The following SYT16 variants were observed in gnomAD, a reference collection of about 807,000 sequenced individuals.
SYT16 encodes synaptotagmin-16.
In SYT16, 42 loss-of-function variants were observed where a neutral mutation model predicts 61.4. The ratio of observed to expected loss-of-function variants is 0.68; its 90% CI spans 0.53 to 0.89. The LOEUF is 0.89. Among genes scored for constraint, SYT16 ranks in the 40% least tolerant of loss-of-function variants. The probability of loss-of-function intolerance (pLI) is 0.00; values close to 1 mark genes in which losing one functional copy is unlikely to be tolerated. For synonymous variants in SYT16, 314 were observed against 302.3 expected, an observed-to-expected ratio of 1.04 and a Z score of -0.40; for missense variants, 804 against 807.3, an observed-to-expected ratio of 1.00 and a Z score of 0.05.
chr14:62,057,068 G>A (rs1225541945), intron 3 of SYT16, among the ~76,000 whole-genome samples: 6 of 152,314 alleles, frequency 3.9e-5, no homozygotes, highest in African/African-American at 9.6e-5. Context: ...CAAAGGCCCC[G>A]TGGTCAGCCA....
intron 1 of SYT16, among the ~76,000 whole-genome samples, chr14:61,914,150 C>T (rs4902086): frequency 0.2 from 29,862 of 151,896 alleles, 3,818 homozygotes; most frequent in East Asian, 0.46. Context: ...GCATTAATTT[C>T]TCTGTAATAT....
intron 1 of SYT16, among the ~76,000 whole-genome samples, chr14:61,910,303 A>G (rs1165047285): frequency 1.4e-4 from 22 of 152,008 alleles, no homozygotes; most frequent in Admixed American, 1.4e-3. Context: ...CAATGGCATG[A>G]TCTCAGCCCA....
Position 62,069,745 on chromosome 14 carries a change from G to A in SYT16, c.666G>A (p.Glu222=). The change falls in exon 4 of 8, where the codon GAG becomes GAA. Residue 222 remains glutamate (E), a synonymous_variant. Coordinates refer to ENST00000683842, the MANE Select transcript of SYT16 (RefSeq NM_001367656.1). The part of the protein sequence containing the change: ...TSEKGKQTGL[E]QKPKFSRSLL... ...AGAAAGGAAAGCAGACAGGATTGGA[G>A]CAGAAACCAAAATTCAGCCGTTCGT... is the stretch of plus-strand genomic sequence containing the variant. 1 of 1,614,022 alleles carries A rather than the reference G, an allele frequency of 6.2e-7. No individual in the cohort carries two copies. Among genetic ancestry groups the A allele is most frequent in the Non-Finnish European group, 8.5e-7 (1 of 1,179,888 alleles).
At chr14:61,826,811 C>T (rs961272085) in intron 1 of SYT16, among the ~76,000 whole-genome samples, 6 of 151,996 alleles carry the variant, frequency 3.9e-5, no homozygotes, top group African/African-American at 1.5e-4. Flanking sequence ...GGTTGTAAGT[C>T]CAAGACTGAG....
chr14:62,046,967 A>G (rs894499639), intron 3 of SYT16, among the ~76,000 whole-genome samples: 37 of 152,282 alleles, frequency 2.4e-4, no homozygotes, highest in Middle Eastern at 3.4e-3. Context: ...GAACTTTCAA[A>G]TAGTTTTTTC....
At chr14:61,951,565 A>T (rs1216006016) in intron 1 of SYT16, among the ~76,000 whole-genome samples, 1 of 152,154 alleles carries the variant, frequency 6.6e-6, no homozygotes, top group African/African-American at 2.4e-5. Context: ...AGTTGAAGAA[A>T]GTCGGATGTC....
At chr14:62,046,295 G>T (rs1207374838) in intron 3 of SYT16, among the ~76,000 whole-genome samples, 3 of 151,956 alleles carry the variant, frequency 2.0e-5, no homozygotes, top group Non-Finnish European at 4.4e-5. Context: ...TTTTTGATGG[G>T]GTTGTTTGTT....
intron 1 of SYT16, among the ~76,000 whole-genome samples, chr14:61,923,009 A>G (rs112857576): frequency 0.021 from 3,122 of 150,140 alleles, 113 homozygotes; most frequent in African/African-American, 0.071. Context: ...AGATCACGCC[A>G]TTGCACTCCA....
rs1037078417 is a variant in SYT16 at position 62,041,655 on chromosome 14, G to A, written c.524-27948G>A. Among the ~76,000 whole-genome samples the A allele has an allele frequency of 1.1e-4, 16 of 152,106 alleles. No individual in the cohort carries two copies. The East Asian group carries it at 2.9e-3, about 27-fold the overall frequency. Reference sequence around the variant, plus strand: ...TGAGTAGCTGGGTCTACAGGTGAGTGCCACCATGTCCAGCTAACTTTTTAT... The same window carrying A: ...TGAGTAGCTGGGTCTACAGGTGAGTACCACCATGTCCAGCTAACTTTTTAT... On this transcript the variant is annotated intron_variant, in intron 3 of 7. Transcript: ENST00000683842.
At chr14:61,886,898 C>CTTTTTTT (rs377557650) in intron 1 of SYT16, among the ~76,000 whole-genome samples, 5 of 98,228 alleles carry the variant, frequency 5.1e-5, no homozygotes, top group Non-Finnish European at 8.2e-5. Flanking sequence ...TTTTTTTTGT[C>CTTTTTTT]TTTTTTTTTT....
intron 7 of SYT16, among the ~76,000 whole-genome samples, chr14:62,086,747 G>A (rs1056534164): frequency 3.9e-5 from 6 of 152,166 alleles, no homozygotes; most frequent in Non-Finnish European, 7.3e-5. Flanking sequence ...ATTTAGAAAT[G>A]GATTTTATTC....
chr14:61,897,899 G>A (rs1488767090), intron 1 of SYT16, among the ~76,000 whole-genome samples: 1 of 152,144 alleles, frequency 6.6e-6, no homozygotes, highest in Admixed American at 6.5e-5. Flanking sequence ...GGCTTTGCTT[G>A]AAAGTCATGG....
chr14:61,947,468 T>C (rs2050492875), intron 1 of SYT16, among the ~76,000 whole-genome samples: 1 of 152,168 alleles, frequency 6.6e-6, no homozygotes, highest in South Asian at 2.1e-4. Context: ...CAGAGCCATG[T>C]GCTTGTTAGA....
intron 1 of SYT16, among the ~76,000 whole-genome samples, chr14:61,847,882 A>G (rs2046490670): frequency 1.3e-5 from 2 of 151,900 alleles, no homozygotes; most frequent in South Asian, 2.1e-4. Flanking sequence ...TAGTTTTTCA[A>G]CTCCAGAATT....
intron 1 of SYT16, among the ~76,000 whole-genome samples, chr14:61,914,849 C>T (rs1454162164): frequency 6.6e-6 from 1 of 152,140 alleles, no homozygotes; most frequent in Non-Finnish European, 1.5e-5. Flanking sequence ...GCAAACTGAG[C>T]CTTTTATGCT....
chr14:62,068,888 T>A (rs766278953), intron 3 of SYT16, among the ~76,000 whole-genome samples: 8 of 152,130 alleles, frequency 5.3e-5, no homozygotes, highest in Non-Finnish European at 1.0e-4. Flanking sequence ...CTCCACTTCC[T>A]GGGTTCAAGT....
intron 2 of SYT16, among the ~76,000 whole-genome samples, chr14:61,978,512 C>T (rs192756404): frequency 2.3e-3 from 349 of 152,322 alleles, no homozygotes; most frequent in Non-Finnish European, 4.1e-3. Flanking sequence ...TTAAAAACTA[C>T]AAGTGTGAGG....
intron 1 of SYT16, among the ~76,000 whole-genome samples, chr14:61,846,152 T>G (rs973331087): frequency 6.6e-6 from 1 of 152,222 alleles, no homozygotes; most frequent in East Asian, 1.9e-4. Context: ...TCTGTAAATA[T>G]ACATTAGGTC....
chr14:61,960,621 A>C (rs998009584), intron 1 of SYT16, among the ~76,000 whole-genome samples: 1 of 152,146 alleles, frequency 6.6e-6, no homozygotes, highest in African/African-American at 2.4e-5. Flanking sequence ...GGGGTTTTCT[A>C]GGTATAGAAT....
Sources: allele counts gnomAD v4.1 joint callset (sites outside exome capture counted in the v4.1 genomes callset), GRCh38; gene constraint gnomAD v4.1.1; transcripts MANE v1.5; gene names NCBI Gene and HGNC (gene_info 2026-07-23, HGNC 2026-07-21).